The following CFDP1 variants were observed in gnomAD, a reference collection of about 807,000 sequenced individuals.
CFDP1 encodes heterochromatin-stabilizing protein CFDP1.
CFDP1 carries 31 observed loss-of-function variants against 40.1 expected under a neutral mutation model. The observed-to-expected ratio is 0.77, with a 90% CI of 0.58 to 1.04. The LOEUF is 1.04. Ranked by LOEUF, CFDP1 falls within the 50% of genes least tolerant of loss-of-function variation. CFDP1 has a pLI of 0.00. For synonymous variants in CFDP1, 167 were observed against 120.0 expected (o/e 1.39, Z -2.56); for missense variants, 423 against 343.4 (o/e 1.23, Z -1.83).
chr16:75,326,900 T>C (rs2078405375), intron 5 of CFDP1, among the ~76,000 whole-genome samples: 1 of 152,180 alleles, frequency 6.6e-6, no homozygotes, highest in South Asian at 2.1e-4. Context: ...AAAAGTCATT[T>C]TCAGACATGC....
intron 5 of CFDP1, among the ~76,000 whole-genome samples, chr16:75,356,911 C>CTTTTTTTTTTTTTTTTTTTTTTTTTTTT (rs576406459): frequency 1.2e-5 from 1 of 80,662 alleles, no homozygotes; most frequent in Non-Finnish European, 2.7e-5. Context: ...TGCTTTCTTT[C>CTTTTTTTTTTTTTTTTTTTTTTTTTTTT]TTTTTTTTTT....
At chr16:75,424,865 T>C (rs1304958983) in intron 1 of CFDP1, among the ~76,000 whole-genome samples, 3 of 151,254 alleles carry the variant, frequency 2.0e-5, no homozygotes, top group East Asian at 1.9e-4. Context: ...AAAATAAATA[T>C]AAAAGGTAAA....
intron 5 of CFDP1, among the ~76,000 whole-genome samples, chr16:75,367,389 T>C (rs1394854347): frequency 6.8e-6 from 1 of 146,102 alleles, no homozygotes; most frequent in Non-Finnish European, 1.5e-5. Context: ...CACATGTACC[T>C]ATGTAACAAA....
At chr16:75,424,077 T>C (rs1022332043) in intron 1 of CFDP1, among the ~76,000 whole-genome samples, 3 of 151,924 alleles carry the variant, frequency 2.0e-5, no homozygotes, top group Non-Finnish European at 4.4e-5. Context: ...AAAAACCACA[T>C]GTAATTAAAT....
intron 1 of CFDP1, among the ~76,000 whole-genome samples, chr16:75,432,275 C>G (rs2079429816): frequency 6.8e-6 from 1 of 147,150 alleles, no homozygotes; most frequent in African/African-American, 2.5e-5. Flanking sequence ...GTGGCTCATG[C>G]CTGTAATCCC....
In CFDP1 at chr16:75,303,583, AC is replaced by A. The variant is rs371872720; in HGVS notation, c.809+1440del. Reference sequence around the variant, plus strand: ...GGGGTGTGCCCCTGTAGTCCTAGCTACATAGGAGGCCGAGGCAGGAGGATCG... The same window carrying A: ...GGGGTGTGCCCCTGTAGTCCTAGCTAATAGGAGGCCGAGGCAGGAGGATCG... On this transcript the variant is annotated intron_variant, in intron 6 of 6. Coordinates refer to ENST00000283882, the MANE Select transcript of CFDP1 (RefSeq NM_006324.3). Among the ~76,000 whole-genome samples the A allele has an allele frequency of 6.2e-3, 914 of 147,028 alleles. 6 individuals are homozygous for A. Among genetic ancestry groups the A allele is most frequent in the Middle Eastern group, 0.017 (5 of 288 alleles).
At chr16:75,331,490 C>A (rs979283724) in intron 5 of CFDP1, among the ~76,000 whole-genome samples, 4 of 152,118 alleles carry the variant, frequency 2.6e-5, no homozygotes, top group African/African-American at 7.2e-5. Context: ...GTAACTCATA[C>A]CCACAGTCAA....
intron 1 of CFDP1, among the ~76,000 whole-genome samples, chr16:75,424,755 CAA>C (rs34126287): frequency 0.53 from 68,137 of 129,062 alleles, 17,175 homozygotes; most frequent in Admixed American, 0.64. Context: ...GACTCCGTCT[CAA>C]AAAAAAAAAA....
chr16:75,365,268 A>G (rs1447765617), intron 5 of CFDP1, among the ~76,000 whole-genome samples: 1 of 152,232 alleles, frequency 6.6e-6, no homozygotes, highest in Non-Finnish European at 1.5e-5. Flanking sequence ...CATAGTAATA[A>G]AGCAGCTTTT....
intron 5 of CFDP1, among the ~76,000 whole-genome samples, chr16:75,363,521 G>A (rs1406496158): frequency 2.6e-5 from 4 of 151,666 alleles, no homozygotes; most frequent in Middle Eastern, 3.2e-3. Flanking sequence ...TCAGCCTCCC[G>A]AGTAGCTGGG....
intron 5 of CFDP1, among the ~76,000 whole-genome samples, chr16:75,343,889 G>A (rs75651259): frequency 0.022 from 3,347 of 152,212 alleles, 71 homozygotes; most frequent in African/African-American, 0.053. Flanking sequence ...ATAAGCATGC[G>A]ACATTTTATG....
intron 5 of CFDP1, among the ~76,000 whole-genome samples, chr16:75,337,346 C>T (rs1032984812): frequency 5.3e-5 from 8 of 152,182 alleles, no homozygotes; most frequent in Non-Finnish European, 8.8e-5. Context: ...ATGGTGGAGT[C>T]GCTGCTTCCA....
chr16:75,302,060 A>AG (rs2078225330), intron 6 of CFDP1, among the ~76,000 whole-genome samples: 1 of 152,298 alleles, frequency 6.6e-6, no homozygotes, highest in East Asian at 1.9e-4. Context: ...TGAGGGGAGA[A>AG]GCCTCAAGCA....
intron 1 of CFDP1, among the ~76,000 whole-genome samples, chr16:75,429,110 C>G (rs1442175831): frequency 2.0e-5 from 3 of 151,372 alleles, no homozygotes; most frequent in African/African-American, 7.3e-5. Flanking sequence ...GAGACAGAGT[C>G]TGTCTCGAAA....
intron 5 of CFDP1, among the ~76,000 whole-genome samples, chr16:75,321,425 G>C (rs1313333249): frequency 6.6e-6 from 1 of 152,128 alleles, no homozygotes; most frequent in Non-Finnish European, 1.5e-5. Context: ...ATATCCAGTA[G>C]CAGTTACTCT....
Position 75,385,322 on chromosome 16 carries a change from GCTTCTAGGGATGA to G in CFDP1, c.650+9755_650+9767del, listed in dbSNP as rs560809304. ...ACTGATCATCAGTTAACAGCTATCA[GCTTCTAGGGATGA>G]CAATTAACAATTGGAAAGGCAGAAA... On this transcript the variant is annotated intron_variant, in intron 5 of 6. Coordinates refer to ENST00000283882, the MANE Select transcript of CFDP1 (RefSeq NM_006324.3). Among the ~76,000 whole-genome samples, 6 of 152,160 alleles carry G rather than the reference GCTTCTAGGGATGA, an allele frequency of 3.9e-5. No individual in the cohort carries two copies. In the South Asian group the frequency reaches 1.2e-3, roughly 32 times the overall value.
intron 5 of CFDP1, among the ~76,000 whole-genome samples, chr16:75,369,089 A>T (rs1567659324): frequency 1.3e-5 from 2 of 152,234 alleles, no homozygotes; most frequent in Non-Finnish European, 2.9e-5. Flanking sequence ...GGTTAAAAAT[A>T]GGCACATCAG....
At chr16:75,311,385 C>T (rs1220909364) in intron 5 of CFDP1, among the ~76,000 whole-genome samples, 1 of 152,190 alleles carries the variant, frequency 6.6e-6, no homozygotes, top group African/African-American at 2.4e-5. Context: ...TCAATCATCC[C>T]ACTTTGGCCT....
intron 5 of CFDP1, among the ~76,000 whole-genome samples, chr16:75,328,568 C>T (rs1416845458): frequency 7.6e-6 from 1 of 131,216 alleles, no homozygotes; most frequent in East Asian, 2.3e-4. Flanking sequence ...CATTGCACTC[C>T]AGCCTGGGCG....
Sources: gnomAD v4.1 joint callset for allele counts (sites outside exome capture counted in the v4.1 genomes callset) on GRCh38, gnomAD v4.1.1 for gene constraint, MANE v1.5 for transcripts, NCBI Gene and HGNC (gene_info 2026-07-23, HGNC 2026-07-21) for gene names.